DDX41: variants seen among roughly 807,000 people sequenced by gnomAD.
DDX41 encodes probable ATP-dependent RNA helicase DDX41.
In DDX41, 50 loss-of-function variants were observed where a neutral mutation model predicts 78.8. That is an observed-to-expected ratio of 0.63 (90% CI 0.51 to 0.80). The LOEUF (loss-of-function observed/expected upper bound fraction) is 0.80, where lower values mean the gene tolerates loss of function less well. Ranked by LOEUF, DDX41 falls within the 30% of genes least tolerant of loss-of-function variation. The pLI is 0.00. For missense variants in DDX41, 633 were observed against 849.2 expected (o/e 0.75, Z 3.16); for synonymous variants, 381 against 321.5 (o/e 1.19, Z -1.98).
In DDX41 at chr5:177,516,283, C is replaced by T. The variant is rs1264369122; in HGVS notation, c.298+5G>A. Reference sequence around the variant, plus strand: ...TTCTCGCCCAGGCAGTGCTGCCCAGCCCACCTTCAGCCTTCTCTTTAAGGT... The same window carrying T: ...TTCTCGCCCAGGCAGTGCTGCCCAGTCCACCTTCAGCCTTCTCTTTAAGGT... On this transcript the variant is annotated splice_donor_5th_base_variant and intron_variant, in intron 3 of 16. Coordinates refer to ENST00000330503, the MANE Select transcript of DDX41 (RefSeq NM_016222.4). 2 of 1,614,030 alleles carry T rather than the reference C, an allele frequency of 1.2e-6. No individual in the cohort carries two copies. The highest frequency in any genetic ancestry group is 1.7e-6 in the Non-Finnish European group (2 of 1,180,014).
chr5:177,511,588 T>G lies in DDX41; in HGVS notation c.*203A>C. 1.5e-6 allele frequency: 1 copy of G among 681,280 alleles called. No individual in the cohort carries two copies. Among genetic ancestry groups the G allele is most frequent in the Non-Finnish European group, 2.4e-6 (1 of 415,382 alleles). The allele number at this position is 681,280 out of a possible 1,614,324, so 42.2% of individuals were successfully genotyped here. A position where few individuals can be genotyped will look rare whatever the true frequency, so the allele number is the denominator to read the frequency against. On this transcript the variant is annotated 3_prime_UTR_variant, in exon 17 of 17. Coordinates refer to ENST00000330503, the MANE Select transcript of DDX41 (RefSeq NM_016222.4). ...GGCAGGGCCAGGGCTGGGCTAGAGGTTTGGGCTTTAATGGCAGCTGGGGTA... is the reference window on the plus strand; with the variant it reads ...GGCAGGGCCAGGGCTGGGCTAGAGGGTTGGGCTTTAATGGCAGCTGGGGTA...
chr5:177,513,787 C>G lies in DDX41; in HGVS notation c.996G>C (p.Met332Ile), dbSNP rs1307172822. 1 of 1,613,828 alleles carries G rather than the reference C, an allele frequency of 6.2e-7. No homozygotes were observed. Among genetic ancestry groups the G allele is most frequent in the Middle Eastern group, 1.6e-4 (1 of 6,062 alleles). Reference sequence around the variant, plus strand: ...GGTAGCGACAGATGTCTAGGCTGACCATCTTCTTCTGCAGCAAATCCATGA... The same window carrying G: ...GGTAGCGACAGATGTCTAGGCTGACGATCTTCTTCTGCAGCAAATCCATGA... ...GRLMDLLQKK[M>I]VSLDICRYLA... Residue 332 changes from methionine (M) to isoleucine (I), a missense_variant, in exon 10 of 17, where the codon ATG (methionine) becomes ATC (isoleucine). Met to Ile is a conservative substitution (Grantham distance 10, BLOSUM62 1). Coordinates refer to ENST00000330503, the MANE Select transcript of DDX41 (RefSeq NM_016222.4). The surrounding 1 kb of genome is among the most constrained non-coding windows in gnomAD (Gnocchi z 4.6).
chr5:177,516,455 T>A lies in DDX41; in HGVS notation c.139-8A>T. The A allele has an allele frequency of 1.2e-6, 2 of 1,613,068 alleles. No individual in the cohort carries two copies. Among genetic ancestry groups the A allele is most frequent in the Non-Finnish European group, 1.7e-6 (2 of 1,180,008 alleles). ...CTGCAGCAGCTTCTGGAGCTGAGGTTCCACCCGGGATCCACAGATAGGATG... is the reference window on the plus strand; with the variant it reads ...CTGCAGCAGCTTCTGGAGCTGAGGTACCACCCGGGATCCACAGATAGGATG... On this transcript the variant is annotated splice_polypyrimidine_tract_variant and splice_region_variant and intron_variant, in intron 2 of 16. Coordinates refer to ENST00000330503, the MANE Select transcript of DDX41 (RefSeq NM_016222.4).
intron 4 of DDX41, 36 bp downstream of exon 4, chr5:177,516,083 C>T (rs1205459972): frequency 1.2e-5 from 20 of 1,613,424 alleles, no homozygotes; most frequent in Non-Finnish European, 1.6e-5. Context: ...GGAGAAGACT[C>T]AGTCCACCTT....
chr5:177,516,203 G>T lies in DDX41; in HGVS notation c.299-10C>A. The T allele has an allele frequency of 6.2e-7, 1 of 1,614,088 alleles. No individual in the cohort carries two copies. Among genetic ancestry groups the T allele is most frequent in the Admixed American group, 1.7e-5 (1 of 60,028 alleles). ...GCAGACTCTTTGCGCGCTGAGAAAA[G>T]AAGTGGAAGATGTCAGACAGATACC... is the stretch of plus-strand genomic sequence containing the variant. On this transcript the variant is annotated splice_polypyrimidine_tract_variant and intron_variant, in intron 3 of 16. Transcript: ENST00000330503.
rs1276427634 is a variant in DDX41 at position 177,516,716 on chromosome 5, G to A, written c.138+9C>T. 4 of 1,584,362 alleles carry A rather than the reference G, an allele frequency of 2.5e-6. No individual in the cohort carries two copies. Among genetic ancestry groups the A allele is most frequent in the Non-Finnish European group, 3.4e-6 (4 of 1,165,676 alleles). On this transcript the variant is annotated intron_variant, in intron 2 of 16. Transcript: ENST00000330503. ...CGGCCCCATCCCTCCCCGGACGCGT[G>A]CCCCTCACCAGTAGCTGCCGGCGCT... is the stretch of plus-strand genomic sequence containing the variant.
At chr5:177,516,215 G>A (rs1379568965) in intron 3 of DDX41, 22 bp from the exon 4 acceptor site, 8 of 1,614,046 alleles carry the variant, frequency 5.0e-6, no homozygotes, top group Admixed American at 1.7e-5. Context: ...AGTGGAAGAT[G>A]TCAGACAGAT....
In DDX41 at chr5:177,514,317, C is replaced by T. The variant is rs1317994700; in HGVS notation, c.935+384G>A. ...AAAGGACACAGGTGCCGCTGGGATCCAGCCCTACCCCAGTGCCTCAACCTC... is the reference window on the plus strand; with the variant it reads ...AAAGGACACAGGTGCCGCTGGGATCTAGCCCTACCCCAGTGCCTCAACCTC... On this transcript the variant is annotated intron_variant, in intron 9 of 16. Transcript: ENST00000330503. This position sits in a 1 kb window ranked among gnomAD's most constrained non-coding sequence, Gnocchi z 4.2. 1 of 480,368 alleles carries T rather than the reference C, an allele frequency of 2.1e-6. No individual in the cohort carries two copies. The highest frequency in any genetic ancestry group is 1.6e-5 in the South Asian group (1 of 61,820). The allele number at this position is 480,368 out of a possible 1,614,324, so 29.8% of individuals were successfully genotyped here.
In DDX41 at chr5:177,513,867, C is replaced by T. The variant is rs1292552603; in HGVS notation, c.936-20G>A. Reference sequence around the variant, plus strand: ...ACACCGCTGGGGACCAAGGAGAGACCCTGAGGTTGGGGCCACTGGCCTATC... The same window carrying T: ...ACACCGCTGGGGACCAAGGAGAGACTCTGAGGTTGGGGCCACTGGCCTATC... On this transcript the variant is annotated intron_variant, in intron 9 of 16. Coordinates refer to ENST00000330503, the MANE Select transcript of DDX41 (RefSeq NM_016222.4). The surrounding 1 kb of genome is among the most constrained non-coding windows in gnomAD (Gnocchi z 4.6). 6 of 1,612,512 alleles carry T rather than the reference C, an allele frequency of 3.7e-6. No homozygotes were observed. Among genetic ancestry groups the T allele is most frequent in the South Asian group, 1.1e-5 (1 of 91,042 alleles).
Position 177,516,630 on chromosome 5 carries a change from C to T in DDX41, c.138+95G>A, listed in dbSNP as rs111785759. On this transcript the variant is annotated intron_variant, in intron 2 of 16. Coordinates refer to ENST00000330503, the MANE Select transcript of DDX41 (RefSeq NM_016222.4). ...CCCTGGTGTACTGAAGCTCACTCCT[C>T]AGACTGCCCTCCTCCCCACGGAGGC... is the stretch of plus-strand genomic sequence containing the variant. 2,866 of 1,421,064 alleles carry T rather than the reference C, an allele frequency of 2.0e-3. 58 individuals carry two copies. The African/African-American group carries it at 0.036, about 18-fold the overall frequency. 88.0% of individuals were successfully genotyped at this position (1,421,064 alleles called of 1,614,324 possible). A position where few individuals can be genotyped will look rare whatever the true frequency, so the allele number is the denominator to read the frequency against.
chr5:177,516,951 G>C lies in DDX41; in HGVS notation c.-6C>G. On this transcript the variant is annotated 5_prime_UTR_variant, in exon 1 of 17. Transcript: ENST00000330503. Reference sequence around the variant, plus strand: ...TCGGGTTCCGACTCCTCCATTCTTTGCTGCACGCATGCGCGCCACGGCGAA... The same window carrying C: ...TCGGGTTCCGACTCCTCCATTCTTTCCTGCACGCATGCGCGCCACGGCGAA... The C allele has an allele frequency of 6.2e-7, 1 of 1,610,558 alleles. No homozygotes were observed. Among genetic ancestry groups the C allele is most frequent in the African/African-American group, 1.3e-5 (1 of 75,006 alleles).
At position 177,514,586 on chromosome 5, in the gene DDX41, GCACT is replaced by G; in HGVS notation, c.935+111_935+114del. ...TTAGACTGGGAGCTCCTTGAGGGTC[GCACT>G]CACAGCAGCCCTCTGTGAAGATCTG... On this transcript the variant is annotated intron_variant, in intron 9 of 16. Coordinates refer to ENST00000330503, the MANE Select transcript of DDX41 (RefSeq NM_016222.4). This position sits in a 1 kb window ranked among gnomAD's most constrained non-coding sequence, Gnocchi z 4.2. 1 of 1,396,090 alleles carries G rather than the reference GCACT, an allele frequency of 7.2e-7. No individual in the cohort carries two copies. Among genetic ancestry groups the G allele is most frequent in the Non-Finnish European group, 9.7e-7 (1 of 1,034,580 alleles). 86.5% of individuals were successfully genotyped at this position (1,396,090 alleles called of 1,614,324 possible).
Position 177,513,155 on chromosome 5 carries a change from A to T in DDX41, c.1231-73T>A. 6.4e-7 allele frequency: 1 copy of T among 1,561,140 alleles called. No homozygotes were observed. The highest frequency in any genetic ancestry group is 8.8e-7 in the Non-Finnish European group (1 of 1,141,610). On this transcript the variant is annotated intron_variant, in intron 11 of 16. Coordinates refer to ENST00000330503, the MANE Select transcript of DDX41 (RefSeq NM_016222.4). This position sits in a 1 kb window ranked among gnomAD's most constrained non-coding sequence, Gnocchi z 4.6. ...CGCCACAGCCCTGCCATGGCCCGTC[A>T]TCTGGACCAGGAGGTGACCAGAAGC...
At chr5:177,516,043 C>A in intron 4 of DDX41, 54 bp from the exon 5 acceptor site, 1 of 1,614,006 alleles carries the variant, frequency 6.2e-7, no homozygotes. Flanking sequence ...AAGCCAGATC[C>A]CTTGAGATAT....
Position 177,516,263 on chromosome 5 carries a change from G to A in DDX41, c.298+25C>T, listed in dbSNP as rs188421584. On this transcript the variant is annotated intron_variant, in intron 3 of 16. Transcript: ENST00000330503. Reference sequence around the variant, plus strand: ...TACCAGGCTCAGCTTCTTCTTTCTCGCCCAGGCAGTGCTGCCCAGCCCACC... The same window carrying A: ...TACCAGGCTCAGCTTCTTCTTTCTCACCCAGGCAGTGCTGCCCAGCCCACC... 198 of 1,614,074 alleles carry A rather than the reference G, an allele frequency of 1.2e-4. 2 individuals carry two copies. In the African/African-American group the frequency reaches 2.2e-3, roughly 18 times the overall value.
At position 177,511,715 on chromosome 5, in the gene DDX41, A is replaced by AG; in HGVS notation, c.*75dup. The AG allele has an allele frequency of 6.3e-7, 1 of 1,583,984 alleles. No homozygotes were observed. Among genetic ancestry groups the AG allele is most frequent in the Non-Finnish European group, 8.6e-7 (1 of 1,158,394 alleles). On this transcript the variant is annotated 3_prime_UTR_variant, in exon 17 of 17. Transcript: ENST00000330503. ...CTGAGCTGAAATGCTGATTCTGTCC[A>AG]GGGGGCTGCTGTATGTGTAGACTGG...
chr5:177,514,689 G>A lies in DDX41; in HGVS notation c.935+12C>T, dbSNP rs1036094083. 10 of 1,605,390 alleles carry A rather than the reference G, an allele frequency of 6.2e-6. No homozygotes were observed. Among genetic ancestry groups the A allele is most frequent in the Non-Finnish European group, 6.8e-6 (8 of 1,175,128 alleles). On this transcript the variant is annotated intron_variant, in intron 9 of 16. Coordinates refer to ENST00000330503, the MANE Select transcript of DDX41 (RefSeq NM_016222.4). This position sits in a 1 kb window ranked among gnomAD's most constrained non-coding sequence, Gnocchi z 4.2. ...GTGGCAGAGGTGGGGGGCAGGGAGC[G>A]CCAGCACTCACTGTCGGATGGTCTC...
At chr5:177,515,294 C>G in intron 6 of DDX41, 36 bp from the exon 7 acceptor site, 1 of 1,610,408 alleles carries the variant, frequency 6.2e-7, no homozygotes, top group East Asian at 2.2e-5. Context: ...TCATGACTCA[C>G]AGGTACTTTC....
chr5:177,515,521 G>A (rs1052408220), intron 6 of DDX41, 164 bp downstream of exon 6: 16 of 959,162 alleles, frequency 1.7e-5, no homozygotes, highest in East Asian at 9.6e-5. Context: ...CAATGAACAC[G>A]TACAGCTGAG....
Sources: gnomAD v4.1 joint callset for allele counts on GRCh38, gnomAD v4.1.1 for gene constraint, Gnocchi (gnomAD v3.1) non-coding constraint, MANE v1.5 for transcripts, NCBI Gene and HGNC (gene_info 2026-07-23, HGNC 2026-07-21) for gene names.